The following CD2AP variants were observed in gnomAD, a reference collection of about 807,000 sequenced individuals.
CD2AP encodes CD2 associated protein, also known as CD2-associated protein.
CD2AP carries 46 observed loss-of-function variants against 85.1 expected under a neutral mutation model. The observed-to-expected ratio is 0.54, with a 90% CI of 0.43 to 0.69. CD2AP has a LOEUF of 0.69. CD2AP is among the 30% of genes least tolerant of loss of function. CD2AP has a pLI of 0.00. For missense variants in CD2AP, 769 were observed against 729.5 expected (o/e 1.05, Z -0.62); for synonymous variants, 255 against 252.9 (o/e 1.01, Z -0.08).
intron 2 of CD2AP, among the ~76,000 whole-genome samples, chr6:47,513,266 A>G (rs1766366561): frequency 6.6e-6 from 1 of 151,874 alleles, no homozygotes; most frequent in Non-Finnish European, 1.5e-5. Flanking sequence ...CTGTCTCAGC[A>G]TCCATAAGCC....
intron 2 of CD2AP, among the ~76,000 whole-genome samples, chr6:47,508,752 C>G (rs895017259): frequency 6.6e-6 from 1 of 152,094 alleles, no homozygotes; most frequent in African/African-American, 2.4e-5. Context: ...ACCATGTTGA[C>G]CAAGCTGGTC....
At chr6:47,584,383 A>G (rs193098419) in intron 11 of CD2AP, among the ~76,000 whole-genome samples, 1 of 148,482 alleles carries the variant, frequency 6.7e-6, no homozygotes, top group African/African-American at 2.5e-5. Context: ...TTTTGAGTTA[A>G]TTTTTGTGAA....
intron 5 of CD2AP, among the ~76,000 whole-genome samples, chr6:47,559,653 GATT>G (rs1449560021): frequency 6.6e-6 from 1 of 152,094 alleles, no homozygotes; most frequent in Non-Finnish European, 1.5e-5. Context: ...AAATCATTAA[GATT>G]ATTACTAAAG....
intron 11 of CD2AP, among the ~76,000 whole-genome samples, chr6:47,593,344 A>G (rs1044071588): frequency 6.6e-6 from 1 of 152,172 alleles, no homozygotes; most frequent in African/African-American, 2.4e-5. Context: ...ATTTGCAAGT[A>G]TCTGGAATAT....
chr6:47,576,783 A>C (rs1283347619), intron 7 of CD2AP, among the ~76,000 whole-genome samples, 181 bp downstream of exon 7: 1 of 152,200 alleles, frequency 6.6e-6, no homozygotes, highest in African/African-American at 2.4e-5. Flanking sequence ...ATCTCCTTGT[A>C]GTTGAATCTG....
rs141325239 is a variant in CD2AP at position 47,526,269 on chromosome 6, A to G, written c.166-7333A>G. On this transcript the variant is annotated intron_variant, in intron 2 of 17. Coordinates refer to ENST00000359314, the MANE Select transcript of CD2AP (RefSeq NM_012120.3). Reference sequence around the variant, plus strand: ...GAGAGTGTATGTGTGTGTTTCTAGTAGTAAGGGATTGTAGCTCGGAGGAGT... The same window carrying G: ...GAGAGTGTATGTGTGTGTTTCTAGTGGTAAGGGATTGTAGCTCGGAGGAGT... Among the ~76,000 whole-genome samples, 674 of 152,244 alleles carry G rather than the reference A, an allele frequency of 4.4e-3. 5 individuals carry two copies. Among genetic ancestry groups the G allele is most frequent in the African/African-American group, 0.015 (632 of 41,530 alleles).
intron 1 of CD2AP, among the ~76,000 whole-genome samples, chr6:47,491,256 GAT>G (rs1562000897): frequency 3.2e-4 from 36 of 112,092 alleles, no homozygotes; most frequent in Admixed American, 1.1e-3. Flanking sequence ...CTTTCTTCCT[GAT>G]ATGTGTGTGT....
In CD2AP at chr6:47,576,574, A is replaced by G. The variant is rs1427801881; in HGVS notation, c.780A>G (p.Thr260=). The G allele has an allele frequency of 1.2e-5, 19 of 1,611,940 alleles. No homozygotes were observed. Among genetic ancestry groups the G allele is most frequent in the Non-Finnish European group, 1.6e-5 (19 of 1,178,400 alleles). Residue 260 remains threonine (T), a synonymous_variant, in exon 7 of 18, where the codon ACA becomes ACG. Coordinates refer to ENST00000359314, the MANE Select transcript of CD2AP (RefSeq NM_012120.3). ...LGPKTQSVEI[T]KTDTEGKIKA... ...CCAAAACTCAGAGTGTGGAGATAAC[A>G]AAAACAGATACCGAAGGTAAAATTA... is the stretch of plus-strand genomic sequence containing the variant.
rs577434644 is a variant in CD2AP, at chr6:47,511,029, C to T, written c.165+7589C>T. ...TAGAGGTTGCAATGAGCTGAGATCG[C>T]GCCACTGCACCCCAGCCTGGTGACA... is the stretch of plus-strand genomic sequence containing the variant. On this transcript the variant is annotated intron_variant, in intron 2 of 17. Transcript: ENST00000359314. Among the ~76,000 whole-genome samples, 15 of 141,804 alleles carry T rather than the reference C, an allele frequency of 1.1e-4. No individual in the cohort carries two copies. In the South Asian group the frequency reaches 1.1e-3, roughly 11 times the overall value. The allele number at this position is 141,804 out of a possible 152,430, so 93.0% of individuals were successfully genotyped here.
intron 5 of CD2AP, among the ~76,000 whole-genome samples, chr6:47,560,954 C>G (rs977526617): frequency 6.6e-6 from 1 of 152,128 alleles, no homozygotes; most frequent in African/African-American, 2.4e-5. Flanking sequence ...ATATTTTACT[C>G]TAAAGACAAA....
intron 2 of CD2AP, among the ~76,000 whole-genome samples, chr6:47,524,330 C>G (rs933676745): frequency 6.6e-6 from 1 of 152,144 alleles, no homozygotes; most frequent in African/African-American, 2.4e-5. Context: ...GTGTCACTCT[C>G]ATCTGTGGCC....
intron 5 of CD2AP, among the ~76,000 whole-genome samples, chr6:47,570,346 C>G (rs771647164): frequency 4.6e-5 from 7 of 152,036 alleles, no homozygotes; most frequent in Non-Finnish European, 1.0e-4. Context: ...TGTTTTATGA[C>G]TGATAGCAAC....
chr6:47,526,956 T>C (rs1448896514), intron 2 of CD2AP, among the ~76,000 whole-genome samples: 1 of 152,152 alleles, frequency 6.6e-6, no homozygotes, highest in Admixed American at 6.5e-5. Context: ...AACTGTGAGG[T>C]TGATGGGTGT....
At chr6:47,540,499 T>G (rs1417308714) in intron 3 of CD2AP, among the ~76,000 whole-genome samples, 1 of 152,164 alleles carries the variant, frequency 6.6e-6, no homozygotes, top group African/African-American at 2.4e-5. Flanking sequence ...TGACTCATAA[T>G]TTGTGGTAAT....
chr6:47,508,534 C>CTTTTTT (rs374284567), intron 2 of CD2AP, among the ~76,000 whole-genome samples: 1 of 129,404 alleles, frequency 7.7e-6, no homozygotes, highest in Non-Finnish European at 1.6e-5. Context: ...TTCTTTCTTT[C>CTTTTTT]TTTTTTTTTT....
intron 9 of CD2AP, among the ~76,000 whole-genome samples, chr6:47,580,570 A>C (rs1011724132): frequency 2.6e-5 from 4 of 152,146 alleles, no homozygotes; most frequent in Admixed American, 2.6e-4. Flanking sequence ...AACCTAGGGG[A>C]GGCAGAGCAG....
At chr6:47,621,165 A>G (rs949453918) in intron 17 of CD2AP, among the ~76,000 whole-genome samples, 21 of 152,244 alleles carry the variant, frequency 1.4e-4, no homozygotes, top group Admixed American at 7.2e-4. Flanking sequence ...ATTCTGTATT[A>G]TGTTGGCTGT....
chr6:47,613,937 A>G lies in CD2AP; in HGVS notation c.1878+1401A>G, dbSNP rs1168380715. The stretch of plus-strand genomic sequence containing the variant: ...TACCTTCCACTTTTATGTCATGGAG[A>G]TGGCTTCTTAAACCACATGAACCAG... On this transcript the variant is annotated intron_variant, in intron 17 of 17. Coordinates refer to ENST00000359314, the MANE Select transcript of CD2AP (RefSeq NM_012120.3). 2.6e-5 allele frequency among the ~76,000 whole-genome samples: 4 copies of G among 152,108 alleles called. No individual in the cohort carries two copies. In the East Asian group the frequency reaches 7.7e-4, roughly 29 times the overall value.
intron 1 of CD2AP, among the ~76,000 whole-genome samples, chr6:47,481,189 A>G (rs564668815): frequency 4.7e-4 from 72 of 152,348 alleles, no homozygotes; most frequent in Non-Finnish European, 1.6e-4. Context: ...CTAGAGCACA[A>G]AAAAGGAATA....
Sources: allele counts gnomAD v4.1 joint callset (sites outside exome capture counted in the v4.1 genomes callset), GRCh38; gene constraint gnomAD v4.1.1; transcripts MANE v1.5; gene names NCBI Gene and HGNC (gene_info 2026-07-23, HGNC 2026-07-21).